Variants in TSBP1 observed in about 807,000 individuals in gnomAD.
TSBP1 encodes testis-expressed basic protein 1.
In TSBP1, 56 loss-of-function variants were observed where a neutral mutation model predicts 68.8. The observed-to-expected ratio is 0.81, with a 90% CI of 0.66 to 1.02. The LOEUF (loss-of-function observed/expected upper bound fraction) is 1.02, where lower values mean the gene tolerates loss of function less well. Ranked by LOEUF, TSBP1 falls within the 50% of genes least tolerant of loss-of-function variation. The pLI is 0.00. For missense variants in TSBP1, 502 were observed against 641.2 expected (o/e 0.78, Z 2.34); for synonymous variants, 171 against 208.7 (o/e 0.82, Z 1.56).
In TSBP1 at chr6:32,323,519, A is replaced by G. The variant is rs777046332; in HGVS notation, c.538+72T>C. 13 of 1,412,342 alleles carry G rather than the reference A, an allele frequency of 9.2e-6. No homozygotes were observed. In the African/African-American group the frequency reaches 1.6e-4, roughly 17 times the overall value. The allele number at this position is 1,412,342 out of a possible 1,614,324, so 87.5% of individuals were successfully genotyped here. ...AGAGTTAGAAATGAGCAGGGTAGAG[A>G]CAGGTCTCTAAGCCTTGCAGGGAAC... On this transcript the variant is annotated intron_variant, in intron 17 of 22. Transcript: ENST00000612031.
chr6:32,323,010 G>T, intron 18 of TSBP1, 107 bp downstream of exon 19: 2 of 807,984 alleles, frequency 2.5e-6, no homozygotes, highest in Non-Finnish European at 4.1e-6. Flanking sequence ...AGGGCAAGCA[G>T]GGTAATAAGG....
chr6:32,354,926 G>A (rs1456311751), intron 8 of TSBP1, among the ~76,000 whole-genome samples, 198 bp downstream of exon 8: 1 of 151,890 alleles, frequency 6.6e-6, no homozygotes, highest in East Asian at 1.9e-4. Flanking sequence ...TGGGAAGAAG[G>A]GAGTGGAATA....
In TSBP1 at chr6:32,313,688, A is replaced by T. The variant is rs144094035; in HGVS notation, c.580+2084T>A. ...ATGATATAAATACCCTGGGTTGTGG[A>T]TCCCTTCTTGGTGGCTATTGTCCTA... On this transcript the variant is annotated intron_variant, in intron 19 of 22. Transcript: ENST00000612031. Among the ~76,000 whole-genome samples the T allele has an allele frequency of 6.9e-3, 1,040 of 150,254 alleles. 11 individuals are homozygous for T. Among genetic ancestry groups the T allele is most frequent in the Middle Eastern group, 0.044 (13 of 294 alleles).
intron 8 of TSBP1, among the ~76,000 whole-genome samples, chr6:32,351,056 G>A (rs1490151908): frequency 6.6e-6 from 1 of 152,160 alleles, no homozygotes; most frequent in Non-Finnish European, 1.5e-5. Flanking sequence ...GGAACTGATA[G>A]ATAATAAATT....
intron 8 of TSBP1, chr6:32,353,092 C>G (rs1046165159): frequency 6.6e-6 from 1 of 151,822 alleles, no homozygotes; most frequent in Non-Finnish European, 1.5e-5. Flanking sequence ...GAATTTTACC[C>G]ATAGATATAC....
intron 16 of TSBP1, among the ~76,000 whole-genome samples, chr6:32,326,475 A>T (rs1768232481): frequency 6.6e-6 from 1 of 152,212 alleles, no homozygotes; most frequent in Admixed American, 6.5e-5. Context: ...TAAATGTAAT[A>T]GTCTGATCGT....
Position 32,336,662 on chromosome 6 carries a change from G to A in TSBP1, c.410-27C>T. ...TGAAATACAAAAAGGAGGAAAGTGT[G>A]GTTTGACATTAATAGAATTTTCATT... is the stretch of plus-strand genomic sequence containing the variant. On this transcript the variant is annotated intron_variant, in intron 11 of 22. Coordinates refer to ENST00000612031, the Ensembl canonical transcript of TSBP1. This position sits in a 1 kb window ranked among gnomAD's most constrained non-coding sequence, Gnocchi z 5.2. The A allele has an allele frequency of 6.2e-7, 1 of 1,605,930 alleles. No homozygotes were observed. Among genetic ancestry groups the A allele is most frequent in the African/African-American group, 1.3e-5 (1 of 74,838 alleles).
chr6:32,356,286 A>G (rs1220225410), intron 6 of TSBP1, among the ~76,000 whole-genome samples: 2 of 151,680 alleles, frequency 1.3e-5, no homozygotes, highest in Admixed American at 1.3e-4. Context: ...ATATACTCAG[A>G]AATGTGAAGA....
intron 16 of TSBP1, among the ~76,000 whole-genome samples, chr6:32,327,654 C>CTTTTTTTTTTTTTCTTTCTTT (rs9281739): frequency 1.4e-5 from 2 of 146,990 alleles, no homozygotes; most frequent in Admixed American, 6.8e-5. Flanking sequence ...TTTTCTTTTT[C>CTTTTTTTTTTTTTCTTTCTTT]TTTTTTTTTT....
Position 32,371,736 on chromosome 6 carries a change from C to T in TSBP1, c.-30G>A. On this transcript the variant is annotated 5_prime_UTR_variant, in exon 1 of 23. The change abolishes an upstream ATG in the 5' untranslated region. Transcript: ENST00000612031. ...CATGTATTGTCTTCATCAGGTCTCG[C>T]ATCATCTGGATTTCTTTGTCAGAGA... 6.2e-7 allele frequency: 1 copy of T among 1,613,726 alleles called. No homozygotes were observed. Among genetic ancestry groups the T allele is most frequent in the Non-Finnish European group, 8.5e-7 (1 of 1,179,660 alleles).
At chr6:32,326,354 T>C (rs1352431347) in intron 16 of TSBP1, among the ~76,000 whole-genome samples, 1 of 152,190 alleles carries the variant, frequency 6.6e-6, no homozygotes, top group Non-Finnish European at 1.5e-5. Context: ...GGACTGTATT[T>C]GTGACTAATT....
At chr6:32,299,218 G>C (rs1765031200) in intron 22 of TSBP1, among the ~76,000 whole-genome samples, 1 of 152,170 alleles carries the variant, frequency 6.6e-6, no homozygotes, top group Non-Finnish European at 1.5e-5. Flanking sequence ...TTCCTAATCT[G>C]TAAAATGGGG....
At chr6:32,308,039 C>G (rs909840058) in intron 19 of TSBP1, among the ~76,000 whole-genome samples, 1 of 151,842 alleles carries the variant, frequency 6.6e-6, no homozygotes, top group African/African-American at 2.4e-5. Flanking sequence ...CCTCCCAAAG[C>G]GCTGGAATTA....
At chr6:32,300,699 C>A in exon 21 of TSBP1, 1 of 1,612,546 alleles carries the variant, frequency 6.2e-7, no homozygotes, top group Middle Eastern at 1.7e-4. Flanking sequence ...CAGAACTGTC[C>A]ACTGAAAGAG....
chr6:32,365,541 A>G lies in TSBP1; in HGVS notation c.217+626T>C, dbSNP rs1773606633. 2.2e-6 allele frequency: 1 copy of G among 456,466 alleles called. No individual in the cohort carries two copies. Among genetic ancestry groups the G allele is most frequent in the Non-Finnish European group, 4.4e-6 (1 of 226,878 alleles). 28.3% of individuals were successfully genotyped at this position (456,466 alleles called of 1,614,324 possible). ...TCCCTGCTCCCAGCCTCTCCTAACC[A>G]TTCAACTATGCTGATCATCTCAATG... On this transcript the variant is annotated intron_variant, in intron 6 of 22. Coordinates refer to ENST00000612031, the Ensembl canonical transcript of TSBP1. The surrounding 1 kb of genome is among the most constrained non-coding windows in gnomAD (Gnocchi z 4.3).
chr6:32,328,577 G>A (rs1436288060), intron 16 of TSBP1, among the ~76,000 whole-genome samples: 3 of 151,850 alleles, frequency 2.0e-5, no homozygotes, highest in East Asian at 1.9e-4. Flanking sequence ...TACCATGCCT[G>A]GCCAATTTTT....
chr6:32,303,041 T>G (rs1416424677), intron 19 of TSBP1, among the ~76,000 whole-genome samples: 2 of 152,214 alleles, frequency 1.3e-5, no homozygotes, highest in Non-Finnish European at 2.9e-5. Flanking sequence ...CAAATCTCTC[T>G]TATAGCTTCT....
At position 32,365,600 on chromosome 6, in the gene TSBP1, G is replaced by A. The variant is rs1203421527; in HGVS notation, c.217+567C>T. On this transcript the variant is annotated intron_variant, in intron 6 of 22. Transcript: ENST00000612031. This position sits in a 1 kb window ranked among gnomAD's most constrained non-coding sequence, Gnocchi z 4.3. ...GGAGTGAGAAATAAGTGGGCTTATC[G>A]GACAGCATCCTGAATGGCTGGGGGA... The A allele has an allele frequency of 2.4e-5, 11 of 456,308 alleles. No homozygotes were observed. The highest frequency in any genetic ancestry group is 7.7e-5 in the South Asian group (5 of 64,556). 28.3% of individuals were successfully genotyped at this position (456,308 alleles called of 1,614,324 possible). A position where few individuals can be genotyped will look rare whatever the true frequency, so the allele number is the denominator to read the frequency against.
intron 19 of TSBP1, among the ~76,000 whole-genome samples, chr6:32,307,209 TC>T (rs1159863489): frequency 6.6e-6 from 1 of 152,134 alleles, no homozygotes; most frequent in Non-Finnish European, 1.5e-5. Context: ...CATAATAATT[TC>T]TCTCTAAATG....
Sources: allele counts gnomAD v4.1 joint callset (sites outside exome capture counted in the v4.1 genomes callset), GRCh38; gene constraint gnomAD v4.1.1; non-coding constraint Gnocchi (gnomAD v3.1); transcripts MANE v1.5; gene names NCBI Gene and HGNC (gene_info 2026-07-23, HGNC 2026-07-21).